TADA1: variants seen among roughly 807,000 people sequenced by gnomAD.
TADA1 encodes the protein transcriptional adaptor 1, also known as transcriptional adapter 1.
Under a neutral mutation model 39.3 loss-of-function variants are expected in TADA1, and 23 were observed. The ratio of observed to expected loss-of-function variants is 0.58; its 90% CI spans 0.42 to 0.83. The LOEUF (loss-of-function observed/expected upper bound fraction) is 0.83, where lower values mean the gene tolerates loss of function less well. Ranked by LOEUF, TADA1 falls within the 40% of genes least tolerant of loss-of-function variation. The pLI is 0.00. For synonymous variants in TADA1, 137 were observed against 151.8 expected (o/e 0.90, Z 0.72); for missense variants, 352 against 408.1 (o/e 0.86, Z 1.18).
At chr1:166,873,314 T>C (rs1307885330) in intron 1 of TADA1, among the ~76,000 whole-genome samples, 1 of 152,008 alleles carries the variant, frequency 6.6e-6, no homozygotes, top group Non-Finnish European at 1.5e-5. Flanking sequence ...TATGATCAAA[T>C]CCTCAAAAGA....
intron 7 of TADA1, 67 bp downstream of exon 7, chr1:166,858,052 T>C (rs1229081434): frequency 2.5e-6 from 4 of 1,580,556 alleles, no homozygotes; most frequent in Non-Finnish European, 3.5e-6. Flanking sequence ...GTGAATACCT[T>C]TGTAGACTTA....
intron 1 of TADA1, among the ~76,000 whole-genome samples, chr1:166,873,529 C>T (rs1658700380): frequency 6.6e-6 from 1 of 152,044 alleles, no homozygotes; most frequent in African/African-American, 2.4e-5. Flanking sequence ...CCACCGAGGA[C>T]CACACTTAAA....
intron 4 of TADA1, chr1:166,863,359 T>A (rs1287625771): frequency 6.2e-6 from 1 of 161,174 alleles, no homozygotes; most frequent in Non-Finnish European, 1.3e-5. Flanking sequence ...TCCCTAAATA[T>A]ACACTGAAAA....
intron 3 of TADA1, among the ~76,000 whole-genome samples, chr1:166,867,109 G>A (rs754030042): frequency 7.2e-5 from 11 of 151,904 alleles, no homozygotes; most frequent in Admixed American, 2.6e-4. Flanking sequence ...ATAATCCTAC[G>A]GGGTAGATAT....
chr1:166,864,808 G>A (rs1658492983), intron 3 of TADA1, among the ~76,000 whole-genome samples: 1 of 152,156 alleles, frequency 6.6e-6, no homozygotes, highest in Non-Finnish European at 1.5e-5. Flanking sequence ...GGGTTAGAAG[G>A]AAGGTGGGGA....
chr1:166,863,576 T>G (rs964607567), intron 4 of TADA1, among the ~76,000 whole-genome samples: 8 of 152,198 alleles, frequency 5.3e-5, no homozygotes, highest in Admixed American at 2.6e-4. Context: ...GACAAAAGCA[T>G]TGTTTTGAAT....
At chr1:166,857,806 TACAC>T (rs761576115) in intron 7 of TADA1, 87 bp from the exon 8 acceptor site, 82 of 1,402,328 alleles carry the variant, frequency 5.8e-5, no homozygotes, top group Non-Finnish European at 6.9e-5. Context: ...CAACAAAACA[TACAC>T]ACAATCTATA....
intron 7 of TADA1, 152 bp from the exon 8 acceptor site, chr1:166,857,871 A>C (rs1415121754): frequency 9.8e-7 from 1 of 1,018,158 alleles, no homozygotes; most frequent in African/African-American, 1.6e-5. Context: ...ATAATAAGGA[A>C]ATAACAAGCT....
chr1:166,862,624 T>C (rs1446751238), intron 4 of TADA1: 1 of 593,330 alleles, frequency 1.7e-6, no homozygotes, highest in Non-Finnish European at 3.0e-6. Flanking sequence ...AGGGGAATAA[T>C]GGTAGTTTGC....
intron 1 of TADA1, 52 bp downstream of exon 1, chr1:166,876,108 C>A: frequency 6.4e-7 from 1 of 1,555,768 alleles, no homozygotes; most frequent in Non-Finnish European, 8.7e-7. Flanking sequence ...CAGCCCGAGG[C>A]CAGGAGAGCA....
At chr1:166,861,812 T>C (rs567858528) in intron 5 of TADA1, among the ~76,000 whole-genome samples, 48 of 152,260 alleles carry the variant, frequency 3.2e-4, no homozygotes, top group Middle Eastern at 3.4e-3. Flanking sequence ...CCCAGCACCT[T>C]GGGAGGCCAA....
intron 7 of TADA1, 141 bp from the exon 8 acceptor site, chr1:166,857,860 A>G (rs1357672622): frequency 1.9e-6 from 2 of 1,028,118 alleles, no homozygotes; most frequent in Non-Finnish European, 2.8e-6. Flanking sequence ...CCAATTGGAT[A>G]ATAATAAGGA....
intron 1 of TADA1, among the ~76,000 whole-genome samples, chr1:166,871,185 G>A (rs1658650356): frequency 6.6e-6 from 1 of 152,068 alleles, no homozygotes; most frequent in Non-Finnish European, 1.5e-5. Flanking sequence ...TTGGTAACTG[G>A]TAGAAAAAAA....
intron 3 of TADA1, 189 bp downstream of exon 3, chr1:166,869,256 A>C: frequency 1.8e-6 from 1 of 543,406 alleles, no homozygotes; most frequent in Non-Finnish European, 3.3e-6. Context: ...CTTTTTCTTA[A>C]AAATAAAGAG....
chr1:166,876,217 C>T lies in TADA1; in HGVS notation c.17G>A (p.Ser6Asn). 1 of 1,613,700 alleles carries T rather than the reference C, an allele frequency of 6.2e-7. No homozygotes were observed. Among genetic ancestry groups the T allele is most frequent in the Non-Finnish European group, 8.5e-7 (1 of 1,179,858 alleles). The stretch of plus-strand genomic sequence containing the variant: ...GTTCTTCTTGGCCGCCTCCAGCTCG[C>T]TCACAAAGGTCGCCATTGCTCCGCG... MATFV[S>N]ELEAAKKNLS... Residue 6 changes from serine (S) to asparagine (N), a missense_variant, in exon 1 of 8, where the codon AGC (serine) becomes AAC (asparagine). Coordinates refer to ENST00000367874, the MANE Select transcript of TADA1 (RefSeq NM_053053.4).
rs74123305 is a variant in TADA1 at position 166,868,698 on chromosome 1, G to A, written c.232+747C>T. ...GCTCACCCTGCGCCCTCTTGTTCCCGGGCTATCTCCTTGCTTGCCTTCTGG... is the reference window on the plus strand; with the variant it reads ...GCTCACCCTGCGCCCTCTTGTTCCCAGGCTATCTCCTTGCTTGCCTTCTGG... On this transcript the variant is annotated intron_variant, in intron 3 of 7. Coordinates refer to ENST00000367874, the MANE Select transcript of TADA1 (RefSeq NM_053053.4). The A allele has an allele frequency of 8.7e-3, 1,327 of 152,788 alleles. 13 individuals carry two copies. The highest frequency in any genetic ancestry group is 0.024 in the African/African-American group (1,006 of 41,562). 9.5% of individuals were successfully genotyped at this position (152,788 alleles called of 1,614,324 possible). A position where few individuals can be genotyped will look rare whatever the true frequency, so the allele number is the denominator to read the frequency against.
intron 6 of TADA1, 50 bp downstream of exon 6, chr1:166,860,136 A>G: frequency 6.4e-7 from 1 of 1,554,240 alleles, no homozygotes; most frequent in South Asian, 1.2e-5. Context: ...TAAGAGGAGT[A>G]TAAACAACTA....
At chr1:166,860,487 A>T in intron 5 of TADA1, 150 bp from the exon 6 acceptor site, 1 of 662,810 alleles carries the variant, frequency 1.5e-6, no homozygotes, top group Non-Finnish European at 2.4e-6. Flanking sequence ...TCACATGAAG[A>T]GCCACGGAGC....
chr1:166,865,684 T>A (rs1267694347), intron 3 of TADA1, among the ~76,000 whole-genome samples: 1 of 151,418 alleles, frequency 6.6e-6, no homozygotes, highest in Non-Finnish European at 1.5e-5. Context: ...CCGGGCGTGG[T>A]GGTGGGCACC....
Sources: gnomAD v4.1 joint callset for allele counts (sites outside exome capture counted in the v4.1 genomes callset) on GRCh38, gnomAD v4.1.1 for gene constraint, MANE v1.5 for transcripts, NCBI Gene and HGNC (gene_info 2026-07-23, HGNC 2026-07-21) for gene names.